Variants in ELFN1 observed in about 807,000 individuals in gnomAD.
ELFN1 encodes protein ELFN1.
A neutral mutation model predicts 7.6 loss-of-function variants in ELFN1; 6 were observed. The observed-to-expected ratio is 0.79, with a 90% CI of 0.43 to 1.56. The LOEUF is 1.56. Ranked by LOEUF, ELFN1 falls within the 40% of genes most tolerant of loss-of-function variation. The pLI is 0.01. For synonymous variants in ELFN1, 657 were observed against 588.1 expected (o/e 1.12, Z -1.70); for missense variants, 1,169 against 1,232.2 (o/e 0.95, Z 0.77).
At position 1,673,609 on chromosome 7, in the gene ELFN1, C is replaced by G. The variant is rs929069089; in HGVS notation, c.-549+3255C>G. On this transcript the variant is annotated intron_variant, in intron 1 of 3. Transcript: ENST00000424383. The surrounding 1 kb of genome is among the most constrained non-coding windows in gnomAD (Gnocchi z 4.7). ...GGGAGGTGAGAGACCACCCTGGGAGCGCTGATGGCAGACAAGGGCCAACTG... is the reference window on the plus strand; with the variant it reads ...GGGAGGTGAGAGACCACCCTGGGAGGGCTGATGGCAGACAAGGGCCAACTG... Among the ~76,000 whole-genome samples, 2 of 152,160 alleles carry G rather than the reference C, an allele frequency of 1.3e-5. No homozygotes were observed. Among genetic ancestry groups the G allele is most frequent in the African/African-American group, 2.4e-5 (1 of 41,418 alleles).
chr7:1,699,575 C>A (rs999072869), intron 2 of ELFN1, among the ~76,000 whole-genome samples: 2 of 152,146 alleles, frequency 1.3e-5, no homozygotes, highest in Non-Finnish European at 2.9e-5. Flanking sequence ...CTAAGGGGTC[C>A]AGGTTGCAGT....
At chr7:1,668,409 A>T (rs115540573), upstream of ELFN1, among the ~76,000 whole-genome samples, 1 of 152,266 alleles carries the variant, frequency 6.6e-6, no homozygotes, top group African/African-American at 2.4e-5. Flanking sequence ...GCACTTGGCC[A>T]GCACAGGCCT....
intron 3 of ELFN1, among the ~76,000 whole-genome samples, chr7:1,731,059 A>C (rs1315434134): frequency 1.3e-5 from 2 of 152,206 alleles, no homozygotes; most frequent in Non-Finnish European, 2.9e-5. Flanking sequence ...CCCCACTTAC[A>C]ACGGCACCAA....
chr7:1,727,274 C>G (rs1256683343), intron 3 of ELFN1, among the ~76,000 whole-genome samples: 3 of 152,224 alleles, frequency 2.0e-5, no homozygotes, highest in Non-Finnish European at 4.4e-5. Flanking sequence ...CAGTCTTGCT[C>G]TTCTCCCTGG....
Position 1,746,254 on chromosome 7 carries a change from C to G in ELFN1, c.1658C>G (p.Ala553Gly). The G allele has an allele frequency of 6.3e-7, 1 of 1,589,812 alleles. No homozygotes were observed. The change falls in exon 4 of 4, where the codon GCC (alanine) becomes GGC (glycine). Residue 553 changes from alanine to glycine, a missense_variant. Transcript: ENST00000424383. ...GGCCCCGACAGCCAGAGTTCGGTGG[C>G]CGAGATCTCCACCATCGCCAAGGAG... ...RPGPDSQSSV[A>G]EISTIAKEVD...
At chr7:1,692,889 G>A (rs900554171) in intron 2 of ELFN1, 2 of 179,794 alleles carry the variant, frequency 1.1e-5, no homozygotes, top group East Asian at 1.2e-4. Flanking sequence ...AACGCCCAGT[G>A]GGGGCCACAT....
chr7:1,686,935 G>T lies in ELFN1; in HGVS notation c.-548-1123G>T, dbSNP rs142794890. On this transcript the variant is annotated intron_variant, in intron 1 of 3. Transcript: ENST00000424383. Reference sequence around the variant, plus strand: ...CCAGTCAGGATCACAGCTTAAGCCTGGTAGAACCACTGGCTTTCCCCATTC... The same window carrying T: ...CCAGTCAGGATCACAGCTTAAGCCTTGTAGAACCACTGGCTTTCCCCATTC... 1.8e-3 allele frequency among the ~76,000 whole-genome samples: 267 copies of T among 152,154 alleles called. 2 individuals are homozygous for T. The highest frequency in any genetic ancestry group is 6.1e-3 in the African/African-American group (255 of 41,504).
At position 1,732,440 on chromosome 7, in the gene ELFN1, C is replaced by T. The variant is rs116040718; in HGVS notation, c.-293-11864C>T. On this transcript the variant is annotated intron_variant, in intron 3 of 3. Transcript: ENST00000424383. ...AGGTTGCAGGGGGTAGGAGGAGAGGCAGGAGATGCTCCAGCCTGGGTGGAG... is the reference window on the plus strand; with the variant it reads ...AGGTTGCAGGGGGTAGGAGGAGAGGTAGGAGATGCTCCAGCCTGGGTGGAG... 8.8e-3 allele frequency among the ~76,000 whole-genome samples: 1,343 copies of T among 152,164 alleles called. 20 individuals are homozygous for T. The highest frequency in any genetic ancestry group is 0.031 in the African/African-American group (1,286 of 41,510).
At position 1,687,620 on chromosome 7, in the gene ELFN1, T is replaced by C. The variant is rs527527462; in HGVS notation, c.-548-438T>C. Reference sequence around the variant, plus strand: ...ATTGAAAATGGATGGTATATTTCAATAAAAGGGGTAAGATCAACTGGATTA... The same window carrying C: ...ATTGAAAATGGATGGTATATTTCAACAAAAGGGGTAAGATCAACTGGATTA... On this transcript the variant is annotated intron_variant, in intron 1 of 3. Coordinates refer to ENST00000424383, the MANE Select transcript of ELFN1 (RefSeq NM_001128636.4). Among the ~76,000 whole-genome samples the C allele has an allele frequency of 1.1e-4, 17 of 152,276 alleles. No homozygotes were observed. In the South Asian group the frequency reaches 2.1e-3, roughly 19 times the overall value.
At chr7:1,704,006 C>T (rs1261050359) in intron 2 of ELFN1, among the ~76,000 whole-genome samples, 1 of 152,230 alleles carries the variant, frequency 6.6e-6, no homozygotes, top group Non-Finnish European at 1.5e-5. Flanking sequence ...AGAGGTGTCA[C>T]TGCGGTGTGC....
chr7:1,746,961 G>T lies in ELFN1; in HGVS notation c.2365G>T (p.Glu789Ter). The T allele has an allele frequency of 6.4e-7, 1 of 1,553,654 alleles. No individual in the cohort carries two copies. The change falls in exon 4 of 4, where the codon GAG (glutamate) becomes TAG (stop). Residue 789 changes from glutamate (E) to a stop codon, truncating the protein, a stop_gained. Coordinates refer to ENST00000424383, the MANE Select transcript of ELFN1 (RefSeq NM_001128636.4). LOFTEE classifies it high-confidence loss of function. ...RFRLSRRRHKEEEEFMAAGHA... is the reference protein window; with the variant it reads ...RFRLSRRRHK ...CAGACTGAGCCGCCGGCGGCACAAG[G>T]AGGAAGAGGAGTTCATGGCCGCGGG...
rs1779516347 is a variant in ELFN1, at chr7:1,705,703, G to A, written c.-455-3388G>A. ...CTTTCTGGCTCATGGCAATTCAGTGGATGGCTTTGGGCCTCGGTTTCCTGT... is the reference window on the plus strand; with the variant it reads ...CTTTCTGGCTCATGGCAATTCAGTGAATGGCTTTGGGCCTCGGTTTCCTGT... On this transcript the variant is annotated intron_variant, in intron 2 of 3. Transcript: ENST00000424383. The surrounding 1 kb of genome is among the most constrained non-coding windows in gnomAD (Gnocchi z 4.3). Among the ~76,000 whole-genome samples the A allele has an allele frequency of 6.6e-6, 1 of 152,244 alleles. No homozygotes were observed. Among genetic ancestry groups the A allele is most frequent in the Non-Finnish European group, 1.5e-5 (1 of 68,040 alleles).
chr7:1,735,891 C>T lies in ELFN1; in HGVS notation c.-293-8413C>T, dbSNP rs560102346. On this transcript the variant is annotated intron_variant, in intron 3 of 3. Coordinates refer to ENST00000424383, the MANE Select transcript of ELFN1 (RefSeq NM_001128636.4). This position sits in a 1 kb window ranked among gnomAD's most constrained non-coding sequence, Gnocchi z 5.9. ...CCTGGGAGGCGGACACCGTGATGAT[C>T]TCTGTTTGACAGATGAGGGGACTGA... Among the ~76,000 whole-genome samples the T allele has an allele frequency of 5.7e-4, 87 of 152,276 alleles. No individual in the cohort carries two copies. The highest frequency in any genetic ancestry group is 1.8e-3 in the African/African-American group (74 of 41,566).
In ELFN1 at chr7:1,746,098, C is replaced by T. The variant is rs1392157461; in HGVS notation, c.1502C>T (p.Pro501Leu). Residue 501 changes from proline (P) to leucine (L), a missense_variant, in exon 4 of 4, where the codon CCT (proline) becomes CTT (leucine). Pro to Leu is a moderately conservative substitution (Grantham distance 98). This residue lies in a region of ELFN1 where 914 missense variants were observed against 872.6 expected (regional missense o/e 1.05). Coordinates refer to ENST00000424383, the MANE Select transcript of ELFN1 (RefSeq NM_001128636.4). Reference protein sequence around the residue: ...PEAVTRIPYLPAAGEVEQYKL... With the variant: ...PEAVTRIPYLLAAGEVEQYKL... ...GCCGTGACGCGCATCCCTTACCTGCCTGCGGCCGGCGAGGTGGAGCAGTAC... is the reference window on the plus strand; with the variant it reads ...GCCGTGACGCGCATCCCTTACCTGCTTGCGGCCGGCGAGGTGGAGCAGTAC... 6.5e-7 allele frequency: 1 copy of T among 1,546,994 alleles called. No individual in the cohort carries two copies. Among genetic ancestry groups the T allele is most frequent in the Non-Finnish European group, 8.7e-7 (1 of 1,144,922 alleles).
At chr7:1,666,487 G>C (rs1778673109), upstream of ELFN1, among the ~76,000 whole-genome samples, 1 of 152,022 alleles carries the variant, frequency 6.6e-6, no homozygotes, top group East Asian at 1.9e-4. This position sits in a 1 kb window ranked among gnomAD's most constrained non-coding sequence, Gnocchi z 7.9. Context: ...CCCGAAGTTA[G>C]CGGCCGCCGA....
Position 1,735,847 on chromosome 7 carries a change from A to T in ELFN1, c.-293-8457A>T, listed in dbSNP as rs1482237907. Among the ~76,000 whole-genome samples, 2 of 152,058 alleles carry T rather than the reference A, an allele frequency of 1.3e-5. No individual in the cohort carries two copies. The highest frequency in any genetic ancestry group is 2.9e-5 in the Non-Finnish European group (2 of 67,974). On this transcript the variant is annotated intron_variant, in intron 3 of 3. Coordinates refer to ENST00000424383, the MANE Select transcript of ELFN1 (RefSeq NM_001128636.4). The surrounding 1 kb of genome is among the most constrained non-coding windows in gnomAD (Gnocchi z 5.9). ...TGCCAGGAGCCTTCAGTAACTGGTGATGCATCCCCCACCACAACCCTGGGA... is the reference window on the plus strand; with the variant it reads ...TGCCAGGAGCCTTCAGTAACTGGTGTTGCATCCCCCACCACAACCCTGGGA...
intron 3 of ELFN1, among the ~76,000 whole-genome samples, chr7:1,722,329 C>T (rs1008565549): frequency 4.0e-5 from 6 of 149,120 alleles, no homozygotes; most frequent in Non-Finnish European, 7.4e-5. Context: ...TGCAGTGGCG[C>T]GATCTCGGCT....
intron 3 of ELFN1, among the ~76,000 whole-genome samples, chr7:1,724,290 A>G (rs1453092669): frequency 6.6e-6 from 1 of 152,168 alleles, no homozygotes. Context: ...GCTGGGCAGA[A>G]CCAGATCACC....
At chr7:1,681,256 G>T (rs1360894708) in intron 1 of ELFN1, among the ~76,000 whole-genome samples, 1 of 152,244 alleles carries the variant, frequency 6.6e-6, no homozygotes, top group Admixed American at 6.5e-5. Flanking sequence ...CACATGCAGA[G>T]CATGTGTGTC....
Sources: gnomAD v4.1 joint callset for allele counts (sites outside exome capture counted in the v4.1 genomes callset) on GRCh38, gnomAD v4.1.1 for gene constraint, gnomAD v4.1.1 regional missense constraint, Gnocchi (gnomAD v3.1) non-coding constraint, MANE v1.5 for transcripts, NCBI Gene and HGNC (gene_info 2026-07-23, HGNC 2026-07-21) for gene names.